ARHGAP39: variants seen among roughly 807,000 people sequenced by gnomAD.
ARHGAP39 encodes Rho GTPase activating protein 39, also known as rho GTPase-activating protein 39.
Under a neutral mutation model 106.9 loss-of-function variants are expected in ARHGAP39, and 44 were observed. That is an observed-to-expected ratio of 0.41 (90% confidence interval 0.32 to 0.53). ARHGAP39 has a LOEUF of 0.53. Among genes scored for constraint, ARHGAP39 ranks in the 20% least tolerant of loss-of-function variants. The pLI is 0.21. For synonymous variants in ARHGAP39, 768 were observed against 693.2 expected, an observed-to-expected ratio of 1.11 and a Z score of -1.69; for missense variants, 1,496 against 1,577.3, an observed-to-expected ratio of 0.95 and a Z score of 0.87.
intron 7 of ARHGAP39, among the ~76,000 whole-genome samples, chr8:144,537,361 G>A (rs772140914): frequency 2.2e-4 from 33 of 152,184 alleles, no homozygotes; most frequent in Non-Finnish European, 4.1e-4. Flanking sequence ...TGTCTGCAGG[G>A]CACCACACAC....
intron 3 of ARHGAP39, among the ~76,000 whole-genome samples, chr8:144,575,091 C>T (rs1473921740): frequency 2.6e-5 from 4 of 152,160 alleles, no homozygotes; most frequent in African/African-American, 9.7e-5. Flanking sequence ...CATATTTAGA[C>T]ATAGAACAGG....
intron 3 of ARHGAP39, among the ~76,000 whole-genome samples, chr8:144,575,895 C>A (rs952405711): frequency 3.3e-5 from 5 of 152,272 alleles, no homozygotes; most frequent in Admixed American, 2.0e-4. Flanking sequence ...GGTCATAGAA[C>A]CTTTTCAGCT....
chr8:144,609,953 G>A (rs1820432971), intron 1 of ARHGAP39, among the ~76,000 whole-genome samples: 1 of 152,156 alleles, frequency 6.6e-6, no homozygotes, highest in Non-Finnish European at 1.5e-5. Flanking sequence ...AGATGGGCAT[G>A]TAGTTTCTTT....
At chr8:144,595,340 A>G (rs1383655618) in intron 2 of ARHGAP39, among the ~76,000 whole-genome samples, 1 of 152,188 alleles carries the variant, frequency 6.6e-6, no homozygotes, top group African/African-American at 2.4e-5. Context: ...GACCACTCGT[A>G]TGATTCCACG....
intron 2 of ARHGAP39, among the ~76,000 whole-genome samples, chr8:144,601,120 G>A (rs1819899500): frequency 6.8e-6 from 1 of 147,750 alleles, no homozygotes; most frequent in South Asian, 2.1e-4. Flanking sequence ...ATGTACCTGT[G>A]TGTGCATGGA....
Position 144,547,297 on chromosome 8 carries a change from C to G in ARHGAP39, c.1789G>C (p.Gly597Arg). ...SDGALPLPMP[G>R]PVVRAFSEDE... Reference sequence around the variant, plus strand: ...TCGCTGAAGGCCCGCACCACCGGCCCGGGCATGGGCAGTGGCAGGGCGCCG... The same window carrying G: ...TCGCTGAAGGCCCGCACCACCGGCCGGGGCATGGGCAGTGGCAGGGCGCCG... Residue 597 changes from glycine (G) to arginine (R), a missense_variant, in exon 5 of 12, where the codon GGG (glycine) becomes CGG (arginine). Coordinates refer to ENST00000377307, the MANE Select transcript of ARHGAP39 (RefSeq NM_025251.3). This position sits in a 1 kb window ranked among gnomAD's most constrained non-coding sequence, Gnocchi z 5.2. The G allele has an allele frequency of 6.2e-7, 1 of 1,611,788 alleles. No individual in the cohort carries two copies. Among genetic ancestry groups the G allele is most frequent in the Non-Finnish European group, 8.5e-7 (1 of 1,179,566 alleles).
At chr8:144,587,408 G>A (rs1358302104) in intron 2 of ARHGAP39, among the ~76,000 whole-genome samples, 2 of 152,180 alleles carry the variant, frequency 1.3e-5, no homozygotes, top group Admixed American at 1.3e-4. Context: ...TTTCTACAGA[G>A]GAAGGAAAAT....
At chr8:144,538,351 C>G (rs1009917003) in intron 6 of ARHGAP39, among the ~76,000 whole-genome samples, 1 of 152,198 alleles carries the variant, frequency 6.6e-6, no homozygotes. Context: ...TAGCTGAGGT[C>G]ACGGCTGGCA....
At chr8:144,648,240 C>T (rs945758602) in intron 1 of ARHGAP39, among the ~76,000 whole-genome samples, 1 of 152,208 alleles carries the variant, frequency 6.6e-6, no homozygotes, top group African/African-American at 2.4e-5. Flanking sequence ...TAAGATGGCT[C>T]ATCCATAGCT....
intron 1 of ARHGAP39, among the ~76,000 whole-genome samples, chr8:144,662,841 G>C: frequency 2.0e-5 from 1 of 50,770 alleles, no homozygotes; most frequent in Admixed American, 2.8e-4. Flanking sequence ...ACCTTAAACC[G>C]CTCACCACTC....
At chr8:144,677,637 G>A (rs763775523) in intron 1 of ARHGAP39, among the ~76,000 whole-genome samples, 23 of 152,164 alleles carry the variant, frequency 1.5e-4, no homozygotes, top group African/African-American at 4.6e-4. Flanking sequence ...CTCAAACATA[G>A]TTGAAAAAGG....
At chr8:144,582,249 C>A (rs760380719) in intron 2 of ARHGAP39, among the ~76,000 whole-genome samples, 1 of 152,216 alleles carries the variant, frequency 6.6e-6, no homozygotes, top group African/African-American at 2.4e-5. Flanking sequence ...GCCCCCCTGG[C>A]GGCCGGCGCA....
chr8:144,591,733 C>T lies in ARHGAP39; in HGVS notation c.81-10456G>A, dbSNP rs1819406565. On this transcript the variant is annotated intron_variant, in intron 2 of 11. Transcript: ENST00000377307. This position sits in a 1 kb window ranked among gnomAD's most constrained non-coding sequence, Gnocchi z 5.3. ...CTGGGGTCAGAACTCAGGACGCACA[C>T]CAAGGACAGGACCACATGGACGCAG... is the stretch of plus-strand genomic sequence containing the variant. 6.6e-6 allele frequency among the ~76,000 whole-genome samples: 1 copy of T among 152,216 alleles called. No homozygotes were observed. The highest frequency in any genetic ancestry group is 1.5e-5 in the Non-Finnish European group (1 of 68,026).
the ARHGAP39 span, chr8:144,698,730 A>C: frequency 4.5e-6 from 2 of 443,980 alleles, no homozygotes; most frequent in Non-Finnish European, 9.0e-6. Flanking sequence ...CACAGTCTGT[A>C]CTGAGAGGAC....
upstream of ARHGAP39, among the ~76,000 whole-genome samples, chr8:144,688,545 A>T (rs1303829457): frequency 6.6e-6 from 1 of 152,236 alleles, no homozygotes; most frequent in Non-Finnish European, 1.5e-5. Flanking sequence ...CAGGAATTCG[A>T]GACCAGCCTG....
chr8:144,577,441 A>G (rs1260758242), intron 3 of ARHGAP39, among the ~76,000 whole-genome samples: 1 of 152,216 alleles, frequency 6.6e-6, no homozygotes, highest in Non-Finnish European at 1.5e-5. Flanking sequence ...GCTCAATAGA[A>G]AAGACTGGAA....
chr8:144,538,983 C>T (rs1817077965), intron 6 of ARHGAP39, among the ~76,000 whole-genome samples: 1 of 151,932 alleles, frequency 6.6e-6, no homozygotes, highest in Non-Finnish European at 1.5e-5. Flanking sequence ...CCCTGTGTCC[C>T]TGTGACAGGC....
At chr8:144,675,402 G>A (rs1822207720) in intron 1 of ARHGAP39, among the ~76,000 whole-genome samples, 1 of 152,350 alleles carries the variant, frequency 6.6e-6, no homozygotes, top group African/African-American at 2.4e-5. Flanking sequence ...CCCTCGCGGT[G>A]AGTGTTACAG....
chr8:144,698,760 G>A, the ARHGAP39 span: 3 of 453,004 alleles, frequency 6.6e-6, no homozygotes, highest in Non-Finnish European at 1.3e-5. Context: ...TTCCATGAGT[G>A]TCCTTGGCCA....
Sources: gnomAD v4.1 joint callset for allele counts (sites outside exome capture counted in the v4.1 genomes callset) on GRCh38, gnomAD v4.1.1 for gene constraint, Gnocchi (gnomAD v3.1) non-coding constraint, MANE v1.5 for transcripts, NCBI Gene and HGNC (gene_info 2026-07-23, HGNC 2026-07-21) for gene names.